Variants in IRAG1 observed in about 807,000 individuals in gnomAD.
The protein encoded by IRAG1 is inositol 1,4,5-triphosphate receptor associated 1, also known as IP3R-associated cGMP kinase substrate.
In IRAG1, 62 loss-of-function variants were observed where a neutral mutation model predicts 106.2. The ratio of observed to expected loss-of-function variants is 0.58; its 90% CI spans 0.48 to 0.72. The LOEUF (loss-of-function observed/expected upper bound fraction) is 0.72, where lower values mean the gene tolerates loss of function less well. Among genes scored for constraint, IRAG1 ranks in the 30% least tolerant of loss-of-function variants. The probability of loss-of-function intolerance (pLI) is 0.00; values close to 1 mark genes in which losing one functional copy is unlikely to be tolerated. For missense variants in IRAG1, 1,064 were observed against 1,140.7 expected, an observed-to-expected ratio of 0.93 and a Z score of 0.97; for synonymous variants, 462 against 443.9, an observed-to-expected ratio of 1.04 and a Z score of -0.51.
chr11:10,620,165 C>G (rs145447727), intron 10 of IRAG1, among the ~76,000 whole-genome samples: 1 of 152,064 alleles, frequency 6.6e-6, no homozygotes, highest in Non-Finnish European at 1.5e-5. Context: ...TTCATTATAA[C>G]AGTGTTTTTA....
intron 2 of IRAG1, among the ~76,000 whole-genome samples, chr11:10,635,555 C>T (rs891654184): frequency 2.0e-5 from 3 of 152,232 alleles, no homozygotes; most frequent in African/African-American, 7.2e-5. Flanking sequence ...TCTGGCAGAG[C>T]CAGGCTGTGT....
intron 10 of IRAG1, among the ~76,000 whole-genome samples, chr11:10,620,801 G>A (rs1855778328): frequency 6.6e-6 from 1 of 152,074 alleles, no homozygotes; most frequent in Non-Finnish European, 1.5e-5. Context: ...TCTCAAGTCT[G>A]AACACTTATC....
chr11:10,618,249 T>G (rs908783023), intron 10 of IRAG1, among the ~76,000 whole-genome samples: 2 of 152,190 alleles, frequency 1.3e-5, no homozygotes, highest in Admixed American at 6.5e-5. Flanking sequence ...TGGCTCCTCC[T>G]GAAAACCTTC....
chr11:10,624,345 C>A (rs1000999369), intron 9 of IRAG1, among the ~76,000 whole-genome samples: 1 of 152,180 alleles, frequency 6.6e-6, no homozygotes. Context: ...TTGCCCCACA[C>A]ACTCAGGTCA....
Position 10,604,278 on chromosome 11 carries a change from C to CA in IRAG1, c.1743+126dup, listed in dbSNP as rs1466367495. Reference sequence around the variant, plus strand: ...CCCCCAACTCTCTGAGGAACACTGTCAGAGTCTTGGCTCAATTTTTCACTT... The same window carrying CA: ...CCCCCAACTCTCTGAGGAACACTGTCAAGAGTCTTGGCTCAATTTTTCACTT... On this transcript the variant is annotated intron_variant, in intron 13 of 20. Transcript: ENST00000423302. 5 of 1,221,952 alleles carry CA rather than the reference C, an allele frequency of 4.1e-6. No homozygotes were observed. The African/African-American group carries it at 6.1e-5, about 15-fold the overall frequency. The allele number at this position is 1,221,952 out of a possible 1,614,324, so 75.7% of individuals were successfully genotyped here.
chr11:10,614,472 C>T (rs1306574886), intron 10 of IRAG1, among the ~76,000 whole-genome samples: 2 of 152,292 alleles, frequency 1.3e-5, no homozygotes, highest in East Asian at 3.9e-4. Flanking sequence ...GAAAAAGAGC[C>T]TGCATTGCCA....
Position 10,576,331 on chromosome 11 carries a change from C to G in IRAG1, c.*1G>C. On this transcript the variant is annotated 3_prime_UTR_variant, in exon 21 of 21. Transcript: ENST00000423302. ...AGGGCACTGGCTAGGTGTGAGGTTT[C>G]CTACTGCTCTGTAGGCTGCTCATGC... 1 of 1,613,654 alleles carries G rather than the reference C, an allele frequency of 6.2e-7. No individual in the cohort carries two copies.
At chr11:10,649,673 T>G (rs548861690) in intron 2 of IRAG1, among the ~76,000 whole-genome samples, 1 of 152,268 alleles carries the variant, frequency 6.6e-6, no homozygotes, top group African/African-American at 2.4e-5. Flanking sequence ...CATCACAGCT[T>G]CAAAATGCAT....
Position 10,693,656 on chromosome 11 carries a change from T to C in IRAG1, c.-54A>G. 1 of 1,529,868 alleles carries C rather than the reference T, an allele frequency of 6.5e-7. No individual in the cohort carries two copies. Among genetic ancestry groups the C allele is most frequent in the Non-Finnish European group, 8.7e-7 (1 of 1,143,368 alleles). The allele number at this position is 1,529,868 out of a possible 1,614,324, so 94.8% of individuals were successfully genotyped here. A position where few individuals can be genotyped will look rare whatever the true frequency, so the allele number is the denominator to read the frequency against. On this transcript the variant is annotated 5_prime_UTR_variant, in exon 1 of 21. Transcript: ENST00000423302. ...AGCTCAGAGCCGAGAAGCCTCTGGC[T>C]GCAGAACCTCGGCCGCACGCCTCCT...
At position 10,603,100 on chromosome 11, in the gene IRAG1, C is replaced by T. The variant is rs200641260; in HGVS notation, c.1875+20G>A. 6.4e-4 allele frequency: 1,028 copies of T among 1,603,612 alleles called. 6 individuals are homozygous for T. The highest frequency in any genetic ancestry group is 3.9e-3 in the Middle Eastern group (23 of 5,940). On this transcript the variant is annotated intron_variant, in intron 14 of 20. Coordinates refer to ENST00000423302, the MANE Select transcript of IRAG1 (RefSeq NM_130385.4). Reference sequence around the variant, plus strand: ...GTAGGTGGAACAGAGTTGGCAAGACCGGGGGCTGGAGAGACTCACCTGGCG... The same window carrying T: ...GTAGGTGGAACAGAGTTGGCAAGACTGGGGGCTGGAGAGACTCACCTGGCG...
intron 10 of IRAG1, among the ~76,000 whole-genome samples, chr11:10,615,897 C>T (rs1466584627): frequency 2.2e-5 from 3 of 138,968 alleles, no homozygotes; most frequent in Non-Finnish European, 4.8e-5. Context: ...CAAACTTGCA[C>T]GTTGTGCACA....
chr11:10,672,679 G>T (rs552866771), intron 1 of IRAG1, among the ~76,000 whole-genome samples: 2 of 152,148 alleles, frequency 1.3e-5, no homozygotes, highest in East Asian at 3.9e-4. Context: ...AGCAAGTGTC[G>T]ACTAGGATGT....
At chr11:10,651,328 G>A (rs1012746839) in intron 2 of IRAG1, among the ~76,000 whole-genome samples, 5 of 152,196 alleles carry the variant, frequency 3.3e-5, no homozygotes, top group African/African-American at 7.2e-5. Context: ...TTAAACAGAC[G>A]TAGACTCTTA....
At chr11:10,664,675 T>TC (rs1859657684) in intron 1 of IRAG1, among the ~76,000 whole-genome samples, 1 of 152,012 alleles carries the variant, frequency 6.6e-6, no homozygotes, top group African/African-American at 2.4e-5. Context: ...AGCCATCACA[T>TC]CCCCCTGATC....
intron 1 of IRAG1, among the ~76,000 whole-genome samples, chr11:10,676,819 C>T (rs1860715187): frequency 6.6e-6 from 1 of 152,246 alleles, no homozygotes; most frequent in Admixed American, 6.5e-5. Context: ...TCTAGGCAAA[C>T]CAGAATCCTG....
At chr11:10,680,524 A>AAAGGAAGAAAGG (rs1554935785) in intron 1 of IRAG1, among the ~76,000 whole-genome samples, 348 of 139,134 alleles carry the variant, frequency 2.5e-3, no homozygotes, top group African/African-American at 8.8e-3. Context: ...AGAAAGGAAG[A>AAAGGAAGAAAGG]AAGGAAGGAA....
rs76346672 is a variant in IRAG1, at chr11:10,580,939, C to A, written c.2361-350G>T. Among the ~76,000 whole-genome samples the A allele has an allele frequency of 6.7e-3, 1,027 of 152,282 alleles. 14 individuals carry two copies. The highest frequency in any genetic ancestry group is 0.023 in the African/African-American group (956 of 41,538). ...TGACCGTGGAGCTTCAGCCTCTCAT[C>A]TGTAAAAGAGAGAGGGTGACACTCA... On this transcript the variant is annotated intron_variant, in intron 19 of 20. Transcript: ENST00000423302.
In IRAG1 at chr11:10,626,531, G is replaced by C; in HGVS notation, c.803C>G (p.Ser268Cys). The change falls in exon 9 of 21, where the codon TCT (serine) becomes TGT (cysteine). Residue 268 changes from serine (S) to cysteine (C), a missense_variant. Physicochemically the swap from Ser to Cys is moderately radical, Grantham distance 112 (BLOSUM62 -1). Coordinates refer to ENST00000423302, the MANE Select transcript of IRAG1 (RefSeq NM_130385.4). ...DRKQNDQRKVSQGRLAPRPPP... is the reference protein window; with the variant it reads ...DRKQNDQRKVCQGRLAPRPPP... ...AGGACGAGGAGCCAGCCTGCCCTGAGACACTTTCCTCTGGTCATTCTGCTT... is the reference window on the plus strand; with the variant it reads ...AGGACGAGGAGCCAGCCTGCCCTGACACACTTTCCTCTGGTCATTCTGCTT... The C allele has an allele frequency of 1.2e-6, 2 of 1,613,296 alleles. No homozygotes were observed. Among genetic ancestry groups the C allele is most frequent in the Non-Finnish European group, 1.7e-6 (2 of 1,179,540 alleles).
At chr11:10,687,813 A>G (rs1239591265) in intron 1 of IRAG1, 3 of 1,287,850 alleles carry the variant, frequency 2.3e-6, no homozygotes, top group Admixed American at 4.6e-5. Flanking sequence ...AAATAATAAG[A>G]CCTAATGTAT....
Sources: gnomAD v4.1 joint callset for allele counts (sites outside exome capture counted in the v4.1 genomes callset) on GRCh38, gnomAD v4.1.1 for gene constraint, MANE v1.5 for transcripts, NCBI Gene and HGNC (gene_info 2026-07-23, HGNC 2026-07-21) for gene names.